The following ANKRD17 variants were observed in gnomAD, a reference collection of about 807,000 sequenced individuals.
The protein encoded by ANKRD17 is ankyrin repeat domain-containing protein 17.
A neutral mutation model predicts 229.7 loss-of-function variants in ANKRD17; 19 were observed. The observed-to-expected ratio is 0.08, with a 90% confidence interval of 0.06 to 0.12. The LOEUF is 0.12. Ranked by LOEUF, ANKRD17 falls within the 10% of genes least tolerant of loss-of-function variation. The pLI, the probability that ANKRD17 is intolerant of heterozygous loss-of-function variation, is 1.00. For missense variants in ANKRD17, 2,176 were observed against 3,176.8 expected (o/e 0.68, Z 7.57); for synonymous variants, 1,112 against 1,146.1 (o/e 0.97, Z 0.60).
chr4:73,090,633 A>G (rs748932506), intron 29 of ANKRD17, 34 bp downstream of exon 29: 1 of 1,611,816 alleles, frequency 6.2e-7, no homozygotes, highest in Non-Finnish European at 8.5e-7. Flanking sequence ...TGTGCAAATG[A>G]ACAGCTGCAG....
chr4:73,193,910 TGACAG>T (rs1737481859), intron 1 of ANKRD17, among the ~76,000 whole-genome samples: 1 of 152,168 alleles, frequency 6.6e-6, no homozygotes. Context: ...CTAGCCTGGG[TGACAG>T]AGTGAAACCT....
chr4:73,182,426 C>G (rs577279086), intron 1 of ANKRD17, among the ~76,000 whole-genome samples: 1 of 152,204 alleles, frequency 6.6e-6, no homozygotes, highest in Non-Finnish European at 1.5e-5. Flanking sequence ...TTCTAAATAC[C>G]TAGCACCAAG....
At chr4:73,184,734 C>G (rs2149033588) in intron 1 of ANKRD17, among the ~76,000 whole-genome samples, 1 of 151,982 alleles carries the variant, frequency 6.6e-6, no homozygotes, top group African/African-American at 2.4e-5. Flanking sequence ...AAAGGCAACT[C>G]TATGTGCAAA....
At chr4:73,130,363 G>C (rs1419913654) in intron 16 of ANKRD17, among the ~76,000 whole-genome samples, 1 of 152,014 alleles carries the variant, frequency 6.6e-6, no homozygotes, top group Non-Finnish European at 1.5e-5. Context: ...ACTAATTTTT[G>C]CTGGCCTCTC....
chr4:73,247,101 A>G (rs1038715733), intron 1 of ANKRD17, among the ~76,000 whole-genome samples: 11 of 152,134 alleles, frequency 7.2e-5, no homozygotes, highest in Non-Finnish European at 1.5e-4. Flanking sequence ...AAACAACAAG[A>G]CAATCCTAAT....
At position 73,091,824 on chromosome 4, in the gene ANKRD17, G is replaced by A; in HGVS notation, c.5804C>T (p.Ala1935Val). 1 of 1,614,160 alleles carries A rather than the reference G, an allele frequency of 6.2e-7. No individual in the cohort carries two copies. The highest frequency in any genetic ancestry group is 2.2e-5 in the East Asian group (1 of 44,886). ...AGGCTTAGGCGAGTTAGTAGCTCTG[G>A]CAGGGCTCAAAGGCCTGACAGGAAA... ...GPFPVRPLSP[A>V]RATNSPKPHM... is the part of the protein sequence containing the mutation. Residue 1935 changes from alanine (A) to valine (V), a missense_variant, in exon 29 of 34, where the codon GCC (alanine) becomes GTC (valine). Around this residue, in one of 18 missense-constraint regions of ANKRD17, gnomAD observed 142 missense variants for 200.4 expected, o/e 0.71. Transcript: ENST00000358602.
chr4:73,162,719 T>C (rs1732693623), intron 2 of ANKRD17, among the ~76,000 whole-genome samples: 1 of 152,140 alleles, frequency 6.6e-6, no homozygotes. Flanking sequence ...TAACCATCTA[T>C]ATGAAACCTA....
Position 73,075,796 on chromosome 4 carries a change from A to C in ANKRD17, c.*435T>G, listed in dbSNP as rs1451280013. ...CATAAAGTAGAGCCTCTATACTGAC[A>C]TATTGAAATTTACTTTCTGCTTAGC... On this transcript the variant is annotated 3_prime_UTR_variant, in exon 34 of 34. Coordinates refer to ENST00000358602, the MANE Select transcript of ANKRD17 (RefSeq NM_032217.5). The C allele has an allele frequency of 6.4e-6, 1 of 155,254 alleles. No homozygotes were observed. Among genetic ancestry groups the C allele is most frequent in the South Asian group, 2.0e-4 (1 of 4,996 alleles). 9.6% of individuals were successfully genotyped at this position (155,254 alleles called of 1,614,324 possible).
At chr4:73,109,331 G>A (rs963656558) in intron 24 of ANKRD17, among the ~76,000 whole-genome samples, 9 of 152,082 alleles carry the variant, frequency 5.9e-5, no homozygotes, top group African/African-American at 2.2e-4. Flanking sequence ...CTAGTCACTG[G>A]TAGGAAGTAT....
Position 73,177,410 on chromosome 4 carries a change from C to G in ANKRD17, c.517G>C (p.Ala173Pro). 1 of 1,612,010 alleles carries G rather than the reference C, an allele frequency of 6.2e-7. No homozygotes were observed. Among genetic ancestry groups the G allele is most frequent in the Non-Finnish European group, 8.5e-7 (1 of 1,178,604 alleles). Residue 173 changes from alanine to proline, a missense_variant, in exon 2 of 34, where the codon GCT becomes CCT. This residue lies in a region of ANKRD17 where 184 missense variants were observed against 357.8 expected (regional missense o/e 0.51). Transcript: ENST00000358602. ...GCTTCTAGTAAAGCTTCCAGTCTAGCCTGTGTTTCTGGATCTACTGTCCTG... is the reference window on the plus strand; with the variant it reads ...GCTTCTAGTAAAGCTTCCAGTCTAGGCTGTGTTTCTGGATCTACTGTCCTG... ...DLRTVDPETQARLEALLEAAG... is the reference protein window; with the variant it reads ...DLRTVDPETQPRLEALLEAAG...
chr4:73,135,928 C>A (rs1024819640), intron 15 of ANKRD17, among the ~76,000 whole-genome samples: 5 of 152,144 alleles, frequency 3.3e-5, no homozygotes. Context: ...AGCAATCACA[C>A]TGACTTAAGG....
At chr4:73,225,642 T>A (rs1742384015) in intron 1 of ANKRD17, among the ~76,000 whole-genome samples, 1 of 151,944 alleles carries the variant, frequency 6.6e-6, no homozygotes, top group South Asian at 2.1e-4. Flanking sequence ...GCAGATCACC[T>A]GAGGTCAGGA....
intron 1 of ANKRD17, among the ~76,000 whole-genome samples, chr4:73,202,897 G>GC (rs1738866359): frequency 6.6e-6 from 1 of 152,146 alleles, no homozygotes; most frequent in Non-Finnish European, 1.5e-5. Context: ...CAGTCCTTTT[G>GC]CAAGTGCTCA....
At chr4:73,079,377 T>C (rs1038036936) in intron 30 of ANKRD17, among the ~76,000 whole-genome samples, 6 of 152,176 alleles carry the variant, frequency 3.9e-5, no homozygotes, top group African/African-American at 1.4e-4. Flanking sequence ...TTGTTATTTA[T>C]TCATTTTTTA....
intron 1 of ANKRD17, among the ~76,000 whole-genome samples, chr4:73,179,541 G>A (rs1735266925): frequency 3.2e-5 from 2 of 62,890 alleles, no homozygotes; most frequent in African/African-American, 5.1e-5. Context: ...TTTTTAAAGA[G>A]ACATGGATAG....
intron 29 of ANKRD17, among the ~76,000 whole-genome samples, chr4:73,086,950 A>ATATG (rs1395320739): frequency 1.1e-5 from 1 of 94,192 alleles, no homozygotes; most frequent in Non-Finnish European, 2.1e-5. Flanking sequence ...ATATATATAT[A>ATATG]TATCTGTAGG....
At chr4:73,167,356 T>C (rs1255705649) in intron 2 of ANKRD17, among the ~76,000 whole-genome samples, 3 of 152,084 alleles carry the variant, frequency 2.0e-5, no homozygotes, top group Non-Finnish European at 4.4e-5. Context: ...TTAGCTACCA[T>C]AAAGAAAATA....
intron 2 of ANKRD17, among the ~76,000 whole-genome samples, chr4:73,163,537 A>G (rs1732812721): frequency 6.6e-6 from 1 of 152,260 alleles, no homozygotes. Flanking sequence ...AGGACCACTC[A>G]CTTGGTAATA....
At chr4:73,206,598 T>C (rs1211436534) in intron 1 of ANKRD17, among the ~76,000 whole-genome samples, 1 of 152,064 alleles carries the variant, frequency 6.6e-6, no homozygotes. Flanking sequence ...TGATGTCACT[T>C]ATATGTAGAA....
Sources: gnomAD v4.1 joint callset for allele counts (sites outside exome capture counted in the v4.1 genomes callset) on GRCh38, gnomAD v4.1.1 for gene constraint, gnomAD v4.1.1 regional missense constraint, MANE v1.5 for transcripts, NCBI Gene and HGNC (gene_info 2026-07-23, HGNC 2026-07-21) for gene names.